The following NEURL1 variants were observed in gnomAD, a reference collection of about 807,000 sequenced individuals.
The protein encoded by NEURL1 is E3 ubiquitin-protein ligase NEURL1.
In NEURL1, 26 loss-of-function variants were observed where a neutral mutation model predicts 41.2. The ratio of observed to expected loss-of-function variants is 0.63; its 90% CI spans 0.46 to 0.87. The LOEUF (loss-of-function observed/expected upper bound fraction) is 0.87. Ranked by LOEUF, NEURL1 falls within the 40% of genes least tolerant of loss-of-function variation. NEURL1 has a pLI of 0.00. For synonymous variants in NEURL1, 400 were observed against 402.3 expected (o/e 0.99, Z 0.07); for missense variants, 761 against 871.1 (o/e 0.87, Z 1.59).
At chr10:103,511,753 A>G (rs1238454681) in intron 1 of NEURL1, 2 of 152,242 alleles carry the variant, frequency 1.3e-5, no homozygotes, top group East Asian at 3.9e-4. Context: ...CCATCCTCGC[A>G]CTGATCACAC....
In NEURL1 at chr10:103,585,140, C is replaced by A. The variant is rs371723689; in HGVS notation, c.1254C>A (p.Ala418=). 2.5e-4 allele frequency: 393 copies of A among 1,591,346 alleles called. 4 individuals are homozygous for A. The highest frequency in any genetic ancestry group is 6.6e-4 in the Middle Eastern group (4 of 6,060). The stretch of plus-strand genomic sequence containing the variant: ...ACCTCAGCCACAATGGCGCGGCCGC[C>A]GGCATGCAGCTGTGCGTGGACGCCT... ...ELHLSHNGAA[A]GMQLCVDASQ... Residue 418 remains alanine, a synonymous_variant, in exon 4 of 6, where the codon GCC becomes GCA. Coordinates refer to ENST00000369780, the MANE Select transcript of NEURL1 (RefSeq NM_004210.5).
intron 1 of NEURL1, chr10:103,517,402 A>G (rs1006223271): frequency 1.3e-5 from 2 of 152,186 alleles, no homozygotes; most frequent in African/African-American, 4.8e-5. Context: ...ATGACCTCCT[A>G]CTGTGTACCA....
intron 4 of NEURL1, chr10:103,588,851 C>A (rs950876745): frequency 2.3e-6 from 1 of 443,492 alleles, no homozygotes; most frequent in Non-Finnish European, 4.5e-6. Flanking sequence ...GAGGCTGAGG[C>A]AGGAGAATCT....
intron 1 of NEURL1, among the ~76,000 whole-genome samples, chr10:103,530,288 T>A (rs551043411): frequency 1.8e-3 from 264 of 148,400 alleles, no homozygotes; most frequent in Non-Finnish European, 3.4e-3. Flanking sequence ...CTTCACTAGA[T>A]TTTTTTTTTT....
intron 3 of NEURL1, among the ~76,000 whole-genome samples, chr10:103,582,356 C>T (rs2035799916): frequency 1.3e-5 from 2 of 152,302 alleles, no homozygotes; most frequent in Non-Finnish European, 2.9e-5. Context: ...ACAGGCCCTC[C>T]TGGCCTCTGC....
intron 1 of NEURL1, among the ~76,000 whole-genome samples, chr10:103,544,568 C>T (rs1017183122): frequency 1.5e-4 from 23 of 152,220 alleles, no homozygotes; most frequent in Admixed American, 5.9e-4. Flanking sequence ...AGGGGACTGA[C>T]TTGCCCAAGG....
chr10:103,516,131 G>A (rs572688465), intron 1 of NEURL1, among the ~76,000 whole-genome samples: 83 of 151,210 alleles, frequency 5.5e-4, no homozygotes, highest in African/African-American at 1.8e-3. Context: ...GGGAGGCTGA[G>A]GTGGGAGGAT....
intron 3 of NEURL1, among the ~76,000 whole-genome samples, chr10:103,577,268 C>G (rs2133880840): frequency 6.6e-6 from 1 of 152,314 alleles, no homozygotes; most frequent in South Asian, 2.1e-4. Context: ...ACCAAACCCT[C>G]CCCTCCATTA....
At position 103,590,404 on chromosome 10, in the gene NEURL1, C is replaced by T. The variant is rs771691362; in HGVS notation, c.*32C>T. ...GCGGTGGCCCATCCCGCATACCCAT[C>T]TTCTCGGGCTTCAGCCCAGTCCCAG... On this transcript the variant is annotated 3_prime_UTR_variant, in exon 6 of 6. Transcript: ENST00000369780. The T allele has an allele frequency of 6.4e-7, 1 of 1,562,622 alleles. No homozygotes were observed. The highest frequency in any genetic ancestry group is 1.1e-5 in the South Asian group (1 of 90,094).
intron 1 of NEURL1, among the ~76,000 whole-genome samples, chr10:103,552,820 T>G (rs1328472994): frequency 6.6e-6 from 1 of 151,468 alleles, no homozygotes. Flanking sequence ...GCTCTCTCTG[T>G]ATAGGACCGA....
At chr10:103,506,079 C>T (rs972669064) in intron 1 of NEURL1, among the ~76,000 whole-genome samples, 16 of 152,326 alleles carry the variant, frequency 1.1e-4, no homozygotes, top group African/African-American at 3.4e-4. Flanking sequence ...GAATGCCATC[C>T]TGGCTGCTCC....
chr10:103,565,886 C>G lies in NEURL1; in HGVS notation c.86-4986C>G, dbSNP rs117854764. Among the ~76,000 whole-genome samples, 163 of 152,242 alleles carry G rather than the reference C, an allele frequency of 1.1e-3. 2 individuals are homozygous for G. The East Asian group carries it at 0.028, about 26-fold the overall frequency. On this transcript the variant is annotated intron_variant, in intron 1 of 5. Coordinates refer to ENST00000369780, the MANE Select transcript of NEURL1 (RefSeq NM_004210.5). ...CAGGCTGGTCTCGAACTCCTGGGCT[C>G]ATGTGATCAGCCTGCCTTGGCCTCC...
intron 1 of NEURL1, among the ~76,000 whole-genome samples, chr10:103,548,485 G>T (rs545667239): frequency 1.3e-5 from 2 of 152,176 alleles, no homozygotes; most frequent in Admixed American, 1.3e-4. Context: ...ACCACGCCTG[G>T]CTAATTTTTG....
intron 1 of NEURL1, among the ~76,000 whole-genome samples, chr10:103,518,403 T>G (rs908857095): frequency 6.6e-6 from 1 of 152,144 alleles, no homozygotes; most frequent in East Asian, 1.9e-4. Flanking sequence ...CAGTATTTAG[T>G]CAATGCCTAC....
chr10:103,494,515 G>T lies in NEURL1; in HGVS notation c.85+43G>T, dbSNP rs772370272. The T allele has an allele frequency of 6.7e-6, 10 of 1,493,398 alleles. No homozygotes were observed. In the Admixed American group the frequency reaches 2.2e-4, roughly 32 times the overall value. 92.5% of individuals were successfully genotyped at this position (1,493,398 alleles called of 1,614,324 possible). A position where few individuals can be genotyped will look rare whatever the true frequency, so the allele number is the denominator to read the frequency against. On this transcript the variant is annotated intron_variant, in intron 1 of 5. Coordinates refer to ENST00000369780, the MANE Select transcript of NEURL1 (RefSeq NM_004210.5). ...GCGCTGCTGGAGGACTGGGGCGCAG[G>T]TGGAGGGCCAGGGAGGTGTGGTTGG...
At chr10:103,560,171 A>C (rs1156514109) in intron 1 of NEURL1, among the ~76,000 whole-genome samples, 1 of 152,042 alleles carries the variant, frequency 6.6e-6, no homozygotes, top group African/African-American at 2.4e-5. Flanking sequence ...GCACGCATGT[A>C]CACATGCATG....
intron 1 of NEURL1, among the ~76,000 whole-genome samples, chr10:103,495,415 A>G (rs866437423): frequency 7.2e-5 from 11 of 152,258 alleles, no homozygotes; most frequent in Middle Eastern, 3.2e-3. Context: ...AAGGATAACA[A>G]TAGTGCCCTT....
In NEURL1 at chr10:103,591,220, C is replaced by T. The variant is rs2036038361; in HGVS notation, c.*848C>T. ...CTGGGGAGAAGGGTTGGTCTTCTGC[C>T]AGGGTCCCTAAGAACAGGTTTGCAG... On this transcript the variant is annotated 3_prime_UTR_variant, in exon 6 of 6. Transcript: ENST00000369780. The T allele has an allele frequency of 6.5e-6, 1 of 152,872 alleles. No homozygotes were observed. Among genetic ancestry groups the T allele is most frequent in the South Asian group, 2.1e-4 (1 of 4,840 alleles). The allele number at this position is 152,872 out of a possible 1,614,324, so 9.5% of individuals were successfully genotyped here.
intron 1 of NEURL1, among the ~76,000 whole-genome samples, chr10:103,560,360 G>A (rs2035266587): frequency 6.6e-6 from 1 of 152,206 alleles, no homozygotes; most frequent in Non-Finnish European, 1.5e-5. Context: ...AAGAGGGAGA[G>A]GAGGAGGACT....
Sources: allele counts gnomAD v4.1 joint callset (sites outside exome capture counted in the v4.1 genomes callset), GRCh38; gene constraint gnomAD v4.1.1; transcripts MANE v1.5; gene names NCBI Gene and HGNC (gene_info 2026-07-23, HGNC 2026-07-21).